Variants in AQP9 observed in about 807,000 individuals in gnomAD.
AQP9 encodes the protein aquaporin 9.
Under a neutral mutation model 23.8 loss-of-function variants are expected in AQP9, and 19 were observed. The observed-to-expected ratio is 0.80, with a 90% CI of 0.56 to 1.17. The LOEUF (loss-of-function observed/expected upper bound fraction) is 1.17. Among genes scored for constraint, AQP9 ranks in the 50% most tolerant of loss-of-function variants. The probability of loss-of-function intolerance (pLI) is 0.00; values close to 1 mark genes in which losing one functional copy is unlikely to be tolerated. For synonymous variants in AQP9, 153 were observed against 131.5 expected (o/e 1.16, Z -1.12); for missense variants, 413 against 362.0 (o/e 1.14, Z -1.14).
chr15:58,179,194 C>A lies in AQP9; in HGVS notation c.562C>A (p.Pro188Thr). 6.2e-7 allele frequency: 1 copy of A among 1,613,998 alleles called. No homozygotes were observed. The highest frequency in any genetic ancestry group is 8.5e-7 in the Non-Finnish European group (1 of 1,179,916). Residue 188 changes from proline to threonine, a missense_variant, in exon 5 of 6, where the codon CCC becomes ACC. By Grantham distance (38) the Pro-to-Thr change is conservative (BLOSUM62 -1). Transcript: ENST00000219919. ...AIFDSRNLGA[P>T]RGLEPIAIGL... is the part of the protein sequence containing the mutation. ...CTTTGACTCCAGAAACTTGGGAGCC[C>A]CCAGAGGCCTAGAGCCCATTGCCAT...
chr15:58,147,875 C>G (rs1898076878), intron 1 of AQP9, among the ~76,000 whole-genome samples: 1 of 149,592 alleles, frequency 6.7e-6, no homozygotes, highest in Non-Finnish European at 1.5e-5. Context: ...AATACCCTCA[C>G]CTGTATAAAC....
intron 1 of AQP9, among the ~76,000 whole-genome samples, chr15:58,165,206 G>GA (rs778749670): frequency 6.6e-6 from 1 of 152,068 alleles, no homozygotes; most frequent in Non-Finnish European, 1.5e-5. Flanking sequence ...TTAAACTACA[G>GA]CATGGTGAAA....
intron 5 of AQP9, among the ~76,000 whole-genome samples, chr15:58,181,093 G>C (rs1238855533): frequency 6.6e-6 from 1 of 152,182 alleles, no homozygotes; most frequent in African/African-American, 2.4e-5. Flanking sequence ...AAGTCAAAGA[G>C]ACATGGTGGT....
intron 1 of AQP9, among the ~76,000 whole-genome samples, chr15:58,139,120 A>G (rs1279301923): frequency 1.3e-5 from 2 of 152,206 alleles, no homozygotes; most frequent in Non-Finnish European, 2.9e-5. Flanking sequence ...GGCAAGAAAC[A>G]TCTCAGTATG....
intron 5 of AQP9, among the ~76,000 whole-genome samples, chr15:58,179,615 A>T (rs1385968202): frequency 6.6e-6 from 1 of 151,934 alleles, no homozygotes; most frequent in Non-Finnish European, 1.5e-5. Flanking sequence ...CATAATAATA[A>T]TCCCTCAATT....
At chr15:58,147,604 A>G (rs1898071138) in intron 1 of AQP9, among the ~76,000 whole-genome samples, 1 of 152,080 alleles carries the variant, frequency 6.6e-6, no homozygotes, top group Non-Finnish European at 1.5e-5. Context: ...TGAGCCTAGA[A>G]CAGTCAGTCA....
At chr15:58,143,638 A>T (rs1479773883) in intron 1 of AQP9, among the ~76,000 whole-genome samples, 1 of 152,200 alleles carries the variant, frequency 6.6e-6, no homozygotes, top group Non-Finnish European at 1.5e-5. Flanking sequence ...ATGTTTAAAA[A>T]TTTACATATA....
At chr15:58,159,078 G>A (rs1435442589) in intron 1 of AQP9, among the ~76,000 whole-genome samples, 12 of 152,156 alleles carry the variant, frequency 7.9e-5, no homozygotes, top group African/African-American at 2.9e-4. Flanking sequence ...AATAAAACCT[G>A]TGGGCTGATT....
intron 1 of AQP9, among the ~76,000 whole-genome samples, chr15:58,148,925 C>G (rs537418780): frequency 1.3e-5 from 2 of 152,118 alleles, no homozygotes; most frequent in South Asian, 4.1e-4. Flanking sequence ...GCCCTAATAT[C>G]GCCTCTTTTC....
intron 2 of AQP9, among the ~76,000 whole-genome samples, chr15:58,172,266 G>C (rs1368452988): frequency 2.6e-5 from 4 of 152,222 alleles, no homozygotes; most frequent in Non-Finnish European, 5.9e-5. Flanking sequence ...GGGTTCTTAA[G>C]AGGATCAAAT....
At chr15:58,167,622 G>A (rs1898537206) in intron 2 of AQP9, among the ~76,000 whole-genome samples, 1 of 152,194 alleles carries the variant, frequency 6.6e-6, no homozygotes, top group African/African-American at 2.4e-5. Flanking sequence ...ATAAGTGGAA[G>A]CCCTGCAGCT....
At chr15:58,174,786 G>A (rs1898702091) in intron 3 of AQP9, 132 bp from the exon 4 acceptor site, 11 of 735,694 alleles carry the variant, frequency 1.5e-5, no homozygotes, top group South Asian at 3.4e-5. Context: ...TTCCTCGGAA[G>A]TAGAGAGAGA....
At chr15:58,174,466 A>G (rs1898694393) in intron 3 of AQP9, among the ~76,000 whole-genome samples, 1 of 152,198 alleles carries the variant, frequency 6.6e-6, no homozygotes, top group African/African-American at 2.4e-5. Flanking sequence ...TAGCTGTGGC[A>G]GTGGCTGCAA....
At position 58,138,698 on chromosome 15, in the gene AQP9, A is replaced by G. The variant is rs1470590805; in HGVS notation, c.111+22A>G. The stretch of plus-strand genomic sequence containing the variant: ...GATTGTAAGTATTTCCTGATTTCCT[A>G]CATTCAGACCCAATAATGCCTCCCT... On this transcript the variant is annotated intron_variant, in intron 1 of 5. Coordinates refer to ENST00000219919, the MANE Select transcript of AQP9 (RefSeq NM_020980.5). 3.1e-6 allele frequency: 5 copies of G among 1,605,968 alleles called. No individual in the cohort carries two copies. The East Asian group carries it at 8.9e-5, about 29-fold the overall frequency.
chr15:58,139,822 C>G (rs1897921795), intron 1 of AQP9, among the ~76,000 whole-genome samples: 1 of 152,310 alleles, frequency 6.6e-6, no homozygotes, highest in South Asian at 2.1e-4. Context: ...GAGTTACGGA[C>G]AATTTCTTGC....
At chr15:58,139,814 G>C (rs1897921350) in intron 1 of AQP9, among the ~76,000 whole-genome samples, 1 of 152,192 alleles carries the variant, frequency 6.6e-6, no homozygotes, top group Admixed American at 6.5e-5. Flanking sequence ...TTTTCAGGGA[G>C]TTACGGACAA....
At chr15:58,160,443 A>G (rs1225761813) in intron 1 of AQP9, among the ~76,000 whole-genome samples, 2 of 152,066 alleles carry the variant, frequency 1.3e-5, no homozygotes, top group African/African-American at 4.8e-5. Flanking sequence ...TAAATTTTTT[A>G]TCTTTTCCTG....
chr15:58,149,966 G>A lies in AQP9; in HGVS notation c.111+11290G>A, dbSNP rs148844441. ...GATGCTTTCTCCAGGAGCTAGGACT[G>A]CATCCCAGCCCAGGTGTGTTATCAC... is the stretch of plus-strand genomic sequence containing the variant. On this transcript the variant is annotated intron_variant, in intron 1 of 5. Coordinates refer to ENST00000219919, the MANE Select transcript of AQP9 (RefSeq NM_020980.5). Among the ~76,000 whole-genome samples, 555 of 152,348 alleles carry A rather than the reference G, an allele frequency of 3.6e-3. 1 individual carries two copies. The highest frequency in any genetic ancestry group is 0.012 in the African/African-American group (489 of 41,578).
In AQP9 at chr15:58,158,637, A is replaced by C. The variant is rs113838563; in HGVS notation, c.112-8036A>C. Reference sequence around the variant, plus strand: ...ATTTTTTGTACAGTATTTATTCCAAAGCGCATGACAATCTTTCCCAAGGAG... The same window carrying C: ...ATTTTTTGTACAGTATTTATTCCAACGCGCATGACAATCTTTCCCAAGGAG... On this transcript the variant is annotated intron_variant, in intron 1 of 5. Coordinates refer to ENST00000219919, the MANE Select transcript of AQP9 (RefSeq NM_020980.5). 6.3e-3 allele frequency among the ~76,000 whole-genome samples: 952 copies of C among 152,314 alleles called. 15 individuals are homozygous for C. The highest frequency in any genetic ancestry group is 0.022 in the African/African-American group (912 of 41,576).
Sources: allele counts gnomAD v4.1 joint callset (sites outside exome capture counted in the v4.1 genomes callset), GRCh38; gene constraint gnomAD v4.1.1; transcripts MANE v1.5; gene names NCBI Gene and HGNC (gene_info 2026-07-23, HGNC 2026-07-21).